Variants in CPXM2 observed in about 807,000 individuals in gnomAD.
CPXM2 encodes the protein inactive carboxypeptidase-like protein X2.
In CPXM2, 66 loss-of-function variants were observed where a neutral mutation model predicts 86.1. That is an observed-to-expected ratio of 0.77 (90% CI 0.63 to 0.94). CPXM2 has a LOEUF of 0.94. Ranked by LOEUF, CPXM2 falls within the 40% of genes least tolerant of loss-of-function variation. CPXM2 has a pLI of 0.00. For missense variants in CPXM2, 948 were observed against 1,026.3 expected (o/e 0.92, Z 1.04); for synonymous variants, 388 against 400.2 (o/e 0.97, Z 0.36).
At chr10:123,820,483 A>G (rs1345660422) in intron 4 of CPXM2, among the ~76,000 whole-genome samples, 1 of 151,968 alleles carries the variant, frequency 6.6e-6, no homozygotes, top group Non-Finnish European at 1.5e-5. Context: ...TGCTTGCTGG[A>G]CTCTTGTTTT....
chr10:123,862,801 C>T lies in CPXM2; in HGVS notation c.404-78G>A, dbSNP rs551565540. The T allele has an allele frequency of 3.8e-5, 49 of 1,288,010 alleles. 1 individual carries two copies. Among genetic ancestry groups the T allele is most frequent in the Middle Eastern group, 3.6e-4 (2 of 5,486 alleles). 79.8% of individuals were successfully genotyped at this position (1,288,010 alleles called of 1,614,324 possible). On this transcript the variant is annotated intron_variant, in intron 2 of 13. Transcript: ENST00000241305. Reference sequence around the variant, plus strand: ...GTTTCTTATTTTCTAAATCTGGCCGCGTGCTTTTCCATTTTCCCCTGAACT... The same window carrying T: ...GTTTCTTATTTTCTAAATCTGGCCGTGTGCTTTTCCATTTTCCCCTGAACT...
chr10:123,753,079 G>A (rs1300590316), intron 13 of CPXM2, among the ~76,000 whole-genome samples: 1 of 152,156 alleles, frequency 6.6e-6, no homozygotes, highest in African/African-American at 2.4e-5. Flanking sequence ...GTTGCACTGA[G>A]AGGGTGACGT....
chr10:123,774,189 G>A (rs1846725084), intron 7 of CPXM2, among the ~76,000 whole-genome samples: 1 of 152,170 alleles, frequency 6.6e-6, no homozygotes, highest in African/African-American at 2.4e-5. Context: ...AGGCCATCCT[G>A]GTCAGGGTGG....
intron 10 of CPXM2, among the ~76,000 whole-genome samples, chr10:123,763,459 A>C (rs1846394410): frequency 1.3e-5 from 2 of 151,842 alleles, no homozygotes; most frequent in Admixed American, 1.3e-4. Context: ...CTGTATCCTA[A>C]GTGATGTGAT....
intron 3 of CPXM2, among the ~76,000 whole-genome samples, chr10:123,851,430 G>A (rs1379346649): frequency 6.6e-6 from 1 of 152,138 alleles, no homozygotes; most frequent in Non-Finnish European, 1.5e-5. Context: ...TCCAAAATAG[G>A]CTCATGCCCT....
At chr10:123,761,741 T>C in intron 11 of CPXM2, 131 bp downstream of exon 11, 2 of 816,224 alleles carry the variant, frequency 2.5e-6, no homozygotes, top group South Asian at 3.1e-5. Context: ...TGCTGGCAGG[T>C]CCTAAGTGCT....
intron 3 of CPXM2, among the ~76,000 whole-genome samples, chr10:123,857,174 G>T (rs562168248): frequency 1.8e-4 from 28 of 151,968 alleles, no homozygotes; most frequent in African/African-American, 6.3e-4. Flanking sequence ...GTAAATGTTG[G>T]TTTTTTTCTC....
chr10:123,875,977 C>T (rs543541846), intron 2 of CPXM2, among the ~76,000 whole-genome samples: 205 of 151,836 alleles, frequency 1.4e-3, no homozygotes, highest in African/African-American at 4.8e-3. Context: ...CTGCCACGCC[C>T]GGCTAATTTT....
At chr10:123,938,383 C>A (rs11511760) in intron 2 of CPXM2, among the ~76,000 whole-genome samples, 2 of 152,160 alleles carry the variant, frequency 1.3e-5, no homozygotes, top group African/African-American at 2.4e-5. Flanking sequence ...TGCAGCTCAA[C>A]CATGTCAAGG....
chr10:123,760,038 G>A (rs985725896), intron 11 of CPXM2, among the ~76,000 whole-genome samples: 1 of 152,220 alleles, frequency 6.6e-6, no homozygotes, highest in African/African-American at 2.4e-5. Flanking sequence ...TGAATCTGCA[G>A]ACTTCATCAC....
intron 4 of CPXM2, among the ~76,000 whole-genome samples, chr10:123,816,894 G>C (rs796295913): frequency 1.3e-5 from 2 of 152,220 alleles, no homozygotes; most frequent in South Asian, 4.1e-4. Context: ...TGGATCCAGT[G>C]AGCAAGACGT....
At chr10:123,793,230 C>T (rs1370367666) in intron 6 of CPXM2, among the ~76,000 whole-genome samples, 4 of 151,838 alleles carry the variant, frequency 2.6e-5, no homozygotes, top group Admixed American at 2.0e-4. Flanking sequence ...TTTGGGAGGC[C>T]GAGGCGGGTG....
At chr10:123,777,878 C>T (rs1002360991) in intron 7 of CPXM2, 1 of 152,198 alleles carries the variant, frequency 6.6e-6, no homozygotes, top group African/African-American at 2.4e-5. Context: ...ATGACAGGGT[C>T]TCTTCCCTCA....
intron 13 of CPXM2, among the ~76,000 whole-genome samples, chr10:123,747,830 G>T (rs1465766082): frequency 6.7e-6 from 1 of 150,100 alleles, no homozygotes; most frequent in Non-Finnish European, 1.5e-5. Context: ...GATGAGACAG[G>T]AGAATCACTT....
chr10:123,781,919 T>C (rs1015112022), intron 6 of CPXM2, among the ~76,000 whole-genome samples: 1 of 152,222 alleles, frequency 6.6e-6, no homozygotes, highest in African/African-American at 2.4e-5. Context: ...ACTTAAAGAC[T>C]GGCTTCACCC....
chr10:123,907,124 C>T (rs376089854), intron 2 of CPXM2, among the ~76,000 whole-genome samples: 225 of 152,306 alleles, frequency 1.5e-3, no homozygotes, highest in African/African-American at 4.6e-3. Context: ...AGGAGGGCTT[C>T]CATCAGCACC....
intron 2 of CPXM2, among the ~76,000 whole-genome samples, chr10:123,874,863 C>T (rs941774883): frequency 6.6e-6 from 1 of 152,182 alleles, no homozygotes; most frequent in African/African-American, 2.4e-5. Flanking sequence ...GGTTAAGTGG[C>T]TGATACAAAT....
intron 1 of CPXM2, chr10:123,886,921 G>A (rs1171042191): frequency 1.3e-5 from 2 of 152,174 alleles, no homozygotes; most frequent in Non-Finnish European, 2.9e-5. Flanking sequence ...GGCATGGAAA[G>A]TAAGACACCC....
chr10:123,782,290 G>A (rs777151464), intron 6 of CPXM2, among the ~76,000 whole-genome samples: 3 of 152,206 alleles, frequency 2.0e-5, no homozygotes, highest in Non-Finnish European at 2.9e-5. Context: ...TATTTTCTAA[G>A]AGCTATTCAA....
Sources: allele counts gnomAD v4.1 joint callset (sites outside exome capture counted in the v4.1 genomes callset), GRCh38; gene constraint gnomAD v4.1.1; transcripts MANE v1.5; gene names NCBI Gene and HGNC (gene_info 2026-07-23, HGNC 2026-07-21).